RPS6KA1: variants seen among roughly 807,000 people sequenced by gnomAD.
RPS6KA1 encodes ribosomal protein S6 kinase A1, also known as ribosomal protein S6 kinase alpha-1.
Under a neutral mutation model 91.3 loss-of-function variants are expected in RPS6KA1, and 48 were observed. The ratio of observed to expected loss-of-function variants is 0.53; its 90% CI spans 0.42 to 0.67. The LOEUF is 0.67. Among genes scored for constraint, RPS6KA1 ranks in the 30% least tolerant of loss-of-function variants. The probability of loss-of-function intolerance (pLI) is 0.00; values close to 1 mark genes in which losing one functional copy is unlikely to be tolerated. For synonymous variants in RPS6KA1, 359 were observed against 384.7 expected, an observed-to-expected ratio of 0.93 and a Z score of 0.78; for missense variants, 719 against 960.5, an observed-to-expected ratio of 0.75 and a Z score of 3.32.
In RPS6KA1 at chr1:26,571,250, C is replaced by T. The variant is rs908580089; in HGVS notation, c.1591-199C>T. 1.7e-6 allele frequency: 1 copy of T among 577,126 alleles called. No individual in the cohort carries two copies. The allele number at this position is 577,126 out of a possible 1,614,324, so 35.8% of individuals were successfully genotyped here. A position where few individuals can be genotyped will look rare whatever the true frequency, so the allele number is the denominator to read the frequency against. Reference sequence around the variant, plus strand: ...TCAGTTTTGACAGGTTAACTTAGAGCTACCTGTAGACACCTACACAGAGTC... The same window carrying T: ...TCAGTTTTGACAGGTTAACTTAGAGTTACCTGTAGACACCTACACAGAGTC... On this transcript the variant is annotated intron_variant, in intron 17 of 21. Transcript: ENST00000374168. This position sits in a 1 kb window ranked among gnomAD's most constrained non-coding sequence, Gnocchi z 5.1.
chr1:26,555,352 T>G lies in RPS6KA1; in HGVS notation c.827+131T>G. 1 of 1,051,348 alleles carries G rather than the reference T, an allele frequency of 9.5e-7. No homozygotes were observed. The highest frequency in any genetic ancestry group is 2.2e-5 in the Admixed American group (1 of 44,704). The allele number at this position is 1,051,348 out of a possible 1,614,324, so 65.1% of individuals were successfully genotyped here. A position where few individuals can be genotyped will look rare whatever the true frequency, so the allele number is the denominator to read the frequency against. ...ATGAGACTCTCCTCTGGGTTAAACATTATACCTTCCAGAGCCCCTCTTTCA... is the reference window on the plus strand; with the variant it reads ...ATGAGACTCTCCTCTGGGTTAAACAGTATACCTTCCAGAGCCCCTCTTTCA... On this transcript the variant is annotated intron_variant, in intron 10 of 21. Coordinates refer to ENST00000374168, the MANE Select transcript of RPS6KA1 (RefSeq NM_002953.4). The surrounding 1 kb of genome is among the most constrained non-coding windows in gnomAD (Gnocchi z 4.3).
rs1199349582 is a variant in RPS6KA1, at chr1:26,555,581, G to C, written c.872G>C (p.Ser291Thr). Residue 291 changes from serine to threonine, a missense_variant, in exon 11 of 22, where the codon AGC (serine) becomes ACC (threonine). Coordinates refer to ENST00000374168, the MANE Select transcript of RPS6KA1 (RefSeq NM_002953.4). The surrounding 1 kb of genome is among the most constrained non-coding windows in gnomAD (Gnocchi z 4.3). ...CAGTTTCTGAGCACTGAAGCCCAGA[G>C]CCTCTTGCGGGCCCTGTTCAAGCGG... ...MPQFLSTEAQSLLRALFKRNP... is the reference protein window; with the variant it reads ...MPQFLSTEAQTLLRALFKRNP... 1 of 1,601,694 alleles carries C rather than the reference G, an allele frequency of 6.2e-7. No homozygotes were observed. The highest frequency in any genetic ancestry group is 8.5e-7 in the Non-Finnish European group (1 of 1,173,542).
At chr1:26,557,122 T>C in intron 13 of RPS6KA1, 22 bp downstream of exon 13, 2 of 1,596,386 alleles carry the variant, frequency 1.3e-6, no homozygotes, top group Non-Finnish European at 8.6e-7. Flanking sequence ...ATCTGTTTTG[T>C]CTGTCTTGGG....
chr1:26,545,367 AG>A (rs200244485), intron 2 of RPS6KA1, among the ~76,000 whole-genome samples: 6,641 of 148,724 alleles, frequency 0.045, 447 homozygotes, highest in African/African-American at 0.14. Context: ...TAGTAGAGAC[AG>A]GGTTTCATCA....
At position 26,573,235 on chromosome 1, in the gene RPS6KA1, C is replaced by T. The variant is rs1218791323; in HGVS notation, c.1959C>T (p.Ser653=). The change falls in exon 21 of 22, where the codon TCC becomes TCT. Residue 653 remains serine, a synonymous_variant. Coordinates refer to ENST00000374168, the MANE Select transcript of RPS6KA1 (RefSeq NM_002953.4). ...TVSETAKDLV[S]KMLHVDPHQR... is the part of the protein sequence containing the mutation. ...CACTGTGTCCCCAGGACCTGGTGTC[C>T]AAGATGCTACACGTGGATCCCCACC... is the stretch of plus-strand genomic sequence containing the variant. 1.9e-6 allele frequency: 3 copies of T among 1,613,966 alleles called. No homozygotes were observed. The highest frequency in any genetic ancestry group is 3.3e-5 in the Admixed American group (2 of 60,002).
At chr1:26,537,045 G>C in intron 2 of RPS6KA1, 76 bp downstream of exon 2, 1 of 1,495,992 alleles carries the variant, frequency 6.7e-7, no homozygotes. Flanking sequence ...GAGGTTGAGG[G>C]CTCCAGCCTC....
intron 20 of RPS6KA1, 23 bp downstream of exon 20, chr1:26,572,316 G>T (rs770055348): frequency 1.3e-6 from 2 of 1,549,350 alleles, no homozygotes; most frequent in Non-Finnish European, 1.8e-6. Flanking sequence ...GGCCTGCGTG[G>T]GCTTATTTGG....
intron 2 of RPS6KA1, chr1:26,546,157 A>G: frequency 8.8e-7 from 1 of 1,135,422 alleles, no homozygotes. Context: ...CTGCAGGGTG[A>G]CTGGACCCTG....
Position 26,571,669 on chromosome 1 carries a change from C to T in RPS6KA1, c.1752+59C>T, listed in dbSNP as rs2076250295. 6.3e-7 allele frequency: 1 copy of T among 1,580,316 alleles called. No individual in the cohort carries two copies. Among genetic ancestry groups the T allele is most frequent in the South Asian group, 1.1e-5 (1 of 87,690 alleles). On this transcript the variant is annotated intron_variant, in intron 18 of 21. Transcript: ENST00000374168. The surrounding 1 kb of genome is among the most constrained non-coding windows in gnomAD (Gnocchi z 5.1). ...AGGGGGAATTGGAGGCCTTGTGCCC[C>T]CTCCCAGAGGCCCCACATTAGCCGG...
At chr1:26,544,000 C>G (rs2075970354) in intron 2 of RPS6KA1, 1 of 442,724 alleles carries the variant, frequency 2.3e-6, no homozygotes, top group African/African-American at 2.0e-5. Context: ...GGTGGGTCTG[C>G]AAGAAATACG....
Position 26,564,202 on chromosome 1 carries a change from C to T in RPS6KA1, c.1590+2539C>T, listed in dbSNP as rs368863115. Among the ~76,000 whole-genome samples the T allele has an allele frequency of 1.4e-3, 218 of 152,300 alleles. 1 individual carries two copies. The highest frequency in any genetic ancestry group is 4.8e-3 in the African/African-American group (201 of 41,578). On this transcript the variant is annotated intron_variant, in intron 17 of 21. Transcript: ENST00000374168. ...TACACTTCACAGTGCATTACATCCA[C>T]GAGTGCACAGTGTCATGCTGCCTAC...
chr1:26,560,797 C>T lies in RPS6KA1; in HGVS notation c.1287C>T (p.Tyr429=). The T allele has an allele frequency of 6.2e-7, 1 of 1,614,220 alleles. No homozygotes were observed. The highest frequency in any genetic ancestry group is 8.5e-7 in the Non-Finnish European group (1 of 1,180,040). The change falls in exon 15 of 22, where the codon TAC becomes TAT. Residue 429 remains tyrosine (Y), a synonymous_variant. Coordinates refer to ENST00000374168, the MANE Select transcript of RPS6KA1 (RefSeq NM_002953.4). ...AGGAGACAATTGGTGTGGGCTCCTA[C>T]TCTGAGTGCAAGCGCTGTGTCCACA... ...VVKETIGVGS[Y]SECKRCVHKA... is the part of the protein sequence containing the mutation.
At chr1:26,534,508 G>A (rs11589734) in intron 1 of RPS6KA1, among the ~76,000 whole-genome samples, 71,887 of 151,938 alleles carry the variant, frequency 0.47, 17,609 homozygotes, top group Non-Finnish European at 0.54. Context: ...TTGGTAGAGG[G>A]AGCCACCATA....
chr1:26,571,354 C>A lies in RPS6KA1; in HGVS notation c.1591-95C>A. The A allele has an allele frequency of 8.1e-7, 1 of 1,232,838 alleles. No homozygotes were observed. The highest frequency in any genetic ancestry group is 1.2e-6 in the Non-Finnish European group (1 of 854,596). The allele number at this position is 1,232,838 out of a possible 1,614,324, so 76.4% of individuals were successfully genotyped here. On this transcript the variant is annotated intron_variant, in intron 17 of 21. Coordinates refer to ENST00000374168, the MANE Select transcript of RPS6KA1 (RefSeq NM_002953.4). This position sits in a 1 kb window ranked among gnomAD's most constrained non-coding sequence, Gnocchi z 5.1. The stretch of plus-strand genomic sequence containing the variant: ...CCAAGTCCATGCACCCGTCCCTCTG[C>A]ACCCTGTCTGTGTAGCTTTCTAATC...
chr1:26,543,359 G>A (rs546412317), intron 2 of RPS6KA1: 1 of 692,888 alleles, frequency 1.4e-6, no homozygotes, highest in Non-Finnish European at 2.5e-6. Flanking sequence ...TCAGTCAGAG[G>A]CAGACAGGTG....
At position 26,558,981 on chromosome 1, in the gene RPS6KA1, G is replaced by A; in HGVS notation, c.1215+44G>A. On this transcript the variant is annotated intron_variant, in intron 14 of 21. Transcript: ENST00000374168. The surrounding 1 kb of genome is among the most constrained non-coding windows in gnomAD (Gnocchi z 4.0). ...TGCTGCTCCATTATCCTTTTCTAAA[G>A]AATGGCTGAGTACACAGGCTCTGAG... The A allele has an allele frequency of 6.3e-7, 1 of 1,586,828 alleles. No individual in the cohort carries two copies. Among genetic ancestry groups the A allele is most frequent in the South Asian group, 1.1e-5 (1 of 89,720 alleles).
Position 26,574,433 on chromosome 1 carries a change from T to C in RPS6KA1, c.*232T>C. 1 of 732,132 alleles carries C rather than the reference T, an allele frequency of 1.4e-6. No individual in the cohort carries two copies. Among genetic ancestry groups the C allele is most frequent in the South Asian group, 1.4e-5 (1 of 72,116 alleles). 45.4% of individuals were successfully genotyped at this position (732,132 alleles called of 1,614,324 possible). The stretch of plus-strand genomic sequence containing the variant: ...TGGAAAGCGATTCACTGTATAAACT[T>C]TTTTTTATGAAAAAAATGGCATCAA... On this transcript the variant is annotated 3_prime_UTR_variant, in exon 22 of 22. Transcript: ENST00000374168. The surrounding 1 kb of genome is among the most constrained non-coding windows in gnomAD (Gnocchi z 4.3).
intron 14 of RPS6KA1, among the ~76,000 whole-genome samples, chr1:26,559,204 G>A (rs981337176): frequency 2.6e-5 from 4 of 152,176 alleles, no homozygotes; most frequent in South Asian, 2.1e-4. Flanking sequence ...AGTGACTGTC[G>A]TGTCTCCGGC....
At chr1:26,566,988 G>A (rs1194119846) in intron 17 of RPS6KA1, among the ~76,000 whole-genome samples, 1 of 151,662 alleles carries the variant, frequency 6.6e-6, no homozygotes, top group Non-Finnish European at 1.5e-5. Context: ...CTTTCCACAG[G>A]CCAGGCGGGG....
Sources: gnomAD v4.1 joint callset for allele counts (sites outside exome capture counted in the v4.1 genomes callset) on GRCh38, gnomAD v4.1.1 for gene constraint, Gnocchi (gnomAD v3.1) non-coding constraint, MANE v1.5 for transcripts, NCBI Gene and HGNC (gene_info 2026-07-23, HGNC 2026-07-21) for gene names.